Variants in BCL6 observed in about 807,000 individuals in gnomAD.
BCL6 encodes B-cell lymphoma 6 protein.
BCL6 carries 7 observed loss-of-function variants against 59.5 expected under a neutral mutation model. That is an observed-to-expected ratio of 0.12 (90% CI 0.07 to 0.22). BCL6 has a LOEUF of 0.22. Among genes scored for constraint, BCL6 ranks in the 10% least tolerant of loss-of-function variants. The pLI is 1.00. For synonymous variants in BCL6, 339 were observed against 349.7 expected, an observed-to-expected ratio of 0.97 and a Z score of 0.34; for missense variants, 685 against 939.4, an observed-to-expected ratio of 0.73 and a Z score of 3.54.
intron 1 of BCL6, among the ~76,000 whole-genome samples, chr3:187,744,866 T>C (rs1576885753): frequency 1.3e-5 from 2 of 151,962 alleles, no homozygotes; most frequent in African/African-American, 2.4e-5. Flanking sequence ...GCCGCACGAA[T>C]CCAGAGAGAT....
In BCL6 at chr3:187,721,472, A is replaced by C. The variant is rs1323033101; in HGVS notation, c.*986T>G. On this transcript the variant is annotated 3_prime_UTR_variant, in exon 10 of 10. Transcript: ENST00000406870. This position sits in a 1 kb window ranked among gnomAD's most constrained non-coding sequence, Gnocchi z 4.2. ...AGACACAGCCAAACCCTGTCTCCGG[A>C]GTAGTTATAACACAAGCATGACGCA... 4.3e-6 allele frequency: 1 copy of C among 232,826 alleles called. No homozygotes were observed. The highest frequency in any genetic ancestry group is 8.5e-6 in the Non-Finnish European group (1 of 117,532). 14.4% of individuals were successfully genotyped at this position (232,826 alleles called of 1,614,324 possible).
intron 5 of BCL6, 76 bp downstream of exon 5, chr3:187,728,974 G>A: frequency 6.7e-7 from 1 of 1,492,156 alleles, no homozygotes; most frequent in Non-Finnish European, 8.9e-7. Flanking sequence ...AGCAATTCAG[G>A]CAAGAAAAGA....
intron 1 of BCL6, among the ~76,000 whole-genome samples, 165 bp downstream of exon 1, chr3:187,745,245 T>A (rs150853181): frequency 5.9e-5 from 9 of 151,688 alleles, no homozygotes; most frequent in South Asian, 2.1e-4. Flanking sequence ...TATCAATAGA[T>A]ACACATAGAA....
At chr3:187,744,595 C>A (rs1024873211) in intron 1 of BCL6, among the ~76,000 whole-genome samples, 1 of 152,174 alleles carries the variant, frequency 6.6e-6, no homozygotes, top group Admixed American at 6.5e-5. Flanking sequence ...AAAACAAAAA[C>A]CCAAAGAGTT....
rs1431826255 is a variant in BCL6, at chr3:187,725,879, A to G, written c.1709-250T>C. ...CAAGTGGTGGCACGGAGTAGCAACA[A>G]TGCCAGGTGTGGGATAGGAGAGGGG... On this transcript the variant is annotated intron_variant, in intron 7 of 9. Transcript: ENST00000406870. The surrounding 1 kb of genome is among the most constrained non-coding windows in gnomAD (Gnocchi z 4.7). Among the ~76,000 whole-genome samples, 1 of 152,198 alleles carries G rather than the reference A, an allele frequency of 6.6e-6. No individual in the cohort carries two copies. Among genetic ancestry groups the G allele is most frequent in the Non-Finnish European group, 1.5e-5 (1 of 68,036 alleles).
At chr3:187,743,794 C>T (rs1711718967) in intron 1 of BCL6, among the ~76,000 whole-genome samples, 1 of 151,630 alleles carries the variant, frequency 6.6e-6, no homozygotes, top group South Asian at 2.1e-4. Flanking sequence ...CTACCCACTC[C>T]CTCCCCGGGC....
chr3:187,728,548 T>G lies in BCL6; in HGVS notation c.1356-4A>C. ...GCGGGGAGAGCCCGTCATGGACCTA[T>G]GGACAGGAGTAAAAACAGCCTCAGC... On this transcript the variant is annotated splice_polypyrimidine_tract_variant and splice_region_variant and intron_variant, in intron 5 of 9. Coordinates refer to ENST00000406870, the MANE Select transcript of BCL6 (RefSeq NM_001706.5). 6.3e-7 allele frequency: 1 copy of G among 1,597,574 alleles called. No individual in the cohort carries two copies. The highest frequency in any genetic ancestry group is 2.3e-4 in the Middle Eastern group (1 of 4,362).
chr3:187,745,452 C>T lies in BCL6; in HGVS notation c.-92G>A. ...CTAGAAACTTCTTGCATCACCACTTCTAAGAACCCCAGTTCTAAGAATCAA... is the reference window on the plus strand; with the variant it reads ...CTAGAAACTTCTTGCATCACCACTTTTAAGAACCCCAGTTCTAAGAATCAA... On this transcript the variant is annotated 5_prime_UTR_variant, in exon 1 of 10. Transcript: ENST00000406870. 1 of 399,524 alleles carries T rather than the reference C, an allele frequency of 2.5e-6. No individual in the cohort carries two copies. The highest frequency in any genetic ancestry group is 2.1e-5 in the African/African-American group (1 of 48,746). 24.7% of individuals were successfully genotyped at this position (399,524 alleles called of 1,614,324 possible). A position where few individuals can be genotyped will look rare whatever the true frequency, so the allele number is the denominator to read the frequency against.
rs764132503 is a variant in BCL6 at position 187,730,054 on chromosome 3, C to G, written c.384-33G>C. The G allele has an allele frequency of 9.8e-6, 15 of 1,525,128 alleles. No homozygotes were observed. The African/African-American group carries it at 1.7e-4, about 17-fold the overall frequency. 94.5% of individuals were successfully genotyped at this position (1,525,128 alleles called of 1,614,324 possible). On this transcript the variant is annotated intron_variant, in intron 4 of 9. Coordinates refer to ENST00000406870, the MANE Select transcript of BCL6 (RefSeq NM_001706.5). ...AGAAAAAAAGAGGAAAGACACCGGC[C>G]CCAAATCAGAACTGTTAAATAGATG...
intron 1 of BCL6, among the ~76,000 whole-genome samples, chr3:187,743,857 T>C (rs1711727925): frequency 6.6e-6 from 1 of 152,058 alleles, no homozygotes; most frequent in Non-Finnish European, 1.5e-5. Context: ...AGCCACAGGT[T>C]GCAAATCCAA....
chr3:187,745,256 A>T (rs577254998), intron 1 of BCL6, among the ~76,000 whole-genome samples, 154 bp downstream of exon 1: 1 of 152,286 alleles, frequency 6.6e-6, no homozygotes, highest in African/African-American at 2.4e-5. Flanking sequence ...ACACATAGAA[A>T]ACTTGGAGCC....
chr3:187,734,158 G>C (rs1189883527), intron 2 of BCL6, among the ~76,000 whole-genome samples: 1 of 151,988 alleles, frequency 6.6e-6, no homozygotes, highest in East Asian at 1.9e-4. Context: ...CTCCTGCCTC[G>C]GTCTCCCGAG....
rs572073977 is a variant in BCL6 at position 187,721,735 on chromosome 3, T to G, written c.*723A>C. ...TCTTTTTGTTTTTTTTAATACACAC[T>G]TTGTAAATTGTAAACCTTCACTTGC... is the stretch of plus-strand genomic sequence containing the variant. On this transcript the variant is annotated 3_prime_UTR_variant, in exon 10 of 10. Coordinates refer to ENST00000406870, the MANE Select transcript of BCL6 (RefSeq NM_001706.5). This position sits in a 1 kb window ranked among gnomAD's most constrained non-coding sequence, Gnocchi z 4.2. The G allele has an allele frequency of 3.5e-5, 8 of 231,864 alleles. No individual in the cohort carries two copies. The highest frequency in any genetic ancestry group is 2.8e-4 in the Admixed American group (5 of 17,766). The allele number at this position is 231,864 out of a possible 1,614,324, so 14.4% of individuals were successfully genotyped here. A position where few individuals can be genotyped will look rare whatever the true frequency, so the allele number is the denominator to read the frequency against.
At chr3:187,744,901 A>G (rs533087810) in intron 1 of BCL6, among the ~76,000 whole-genome samples, 1 of 152,206 alleles carries the variant, frequency 6.6e-6, no homozygotes, top group African/African-American at 2.4e-5. Context: ...AAGCAGCAGC[A>G]GAAAGAGCGA....
intron 2 of BCL6, 132 bp from the exon 3 acceptor site, chr3:187,733,835 C>G: frequency 8.1e-6 from 7 of 864,678 alleles, no homozygotes; most frequent in Non-Finnish European, 1.3e-5. Flanking sequence ...GATCTTTGAA[C>G]AATTCATAGT....
At chr3:187,744,533 G>C (rs1576885084) in intron 1 of BCL6, among the ~76,000 whole-genome samples, 1 of 152,114 alleles carries the variant, frequency 6.6e-6, no homozygotes, top group Admixed American at 6.5e-5. Context: ...GCTCTGAAAG[G>C]AAATAGTAGA....
chr3:187,745,224 A>T (rs534796636), intron 1 of BCL6, among the ~76,000 whole-genome samples, 186 bp downstream of exon 1: 1 of 152,296 alleles, frequency 6.6e-6, no homozygotes, highest in African/African-American at 2.4e-5. Flanking sequence ...ATAAATAAAT[A>T]TATACATTTA....
intron 4 of BCL6, 74 bp from the exon 5 acceptor site, chr3:187,730,095 T>A: frequency 1.3e-6 from 2 of 1,496,262 alleles, no homozygotes; most frequent in Non-Finnish European, 1.8e-6. Flanking sequence ...CCAGTGACAC[T>A]TATATAACCA....
rs1718962677 is a variant in BCL6, at chr3:187,730,039, A to T, written c.384-18T>A. 3 of 1,530,674 alleles carry T rather than the reference A, an allele frequency of 2.0e-6. No individual in the cohort carries two copies. The highest frequency in any genetic ancestry group is 2.6e-6 in the Non-Finnish European group (3 of 1,139,700). The allele number at this position is 1,530,674 out of a possible 1,614,324, so 94.8% of individuals were successfully genotyped here. ...CTGCTTCACTGTGAAAGAAAAAAAGAGGAAAGACACCGGCCCCAAATCAGA... is the reference window on the plus strand; with the variant it reads ...CTGCTTCACTGTGAAAGAAAAAAAGTGGAAAGACACCGGCCCCAAATCAGA... On this transcript the variant is annotated intron_variant, in intron 4 of 9. Coordinates refer to ENST00000406870, the MANE Select transcript of BCL6 (RefSeq NM_001706.5).
Sources: allele counts gnomAD v4.1 joint callset (sites outside exome capture counted in the v4.1 genomes callset), GRCh38; gene constraint gnomAD v4.1.1; non-coding constraint Gnocchi (gnomAD v3.1); transcripts MANE v1.5; gene names NCBI Gene and HGNC (gene_info 2026-07-23, HGNC 2026-07-21).